Variants in PHKA1 observed in about 807,000 individuals in gnomAD.
PHKA1 encodes the protein phosphorylase kinase regulatory subunit alpha 1.
PHKA1 carries 60 observed loss-of-function variants against 110.2 expected under a neutral mutation model. The ratio of observed to expected loss-of-function variants is 0.54; its 90% confidence interval spans 0.44 to 0.68. The LOEUF is 0.68. Among genes scored for constraint, PHKA1 ranks in the 30% least tolerant of loss-of-function variants. The pLI is 0.00. For synonymous variants in PHKA1, 316 were observed against 333.6 expected, an observed-to-expected ratio of 0.95 and a Z score of 0.58; for missense variants, 801 against 942.5, an observed-to-expected ratio of 0.85 and a Z score of 1.97.
At chrX:72,659,732 C>T (rs1383684170) in intron 8 of PHKA1, among the ~76,000 whole-genome samples, 8 of 112,174 alleles carry the variant, frequency 7.1e-5, no homozygotes, top group Non-Finnish European at 1.5e-4. Flanking sequence ...CAACCAGTAC[C>T]CCTTTGAGAA....
intron 29 of PHKA1, among the ~76,000 whole-genome samples, chrX:72,589,574 A>C (rs1191261039): frequency 5.4e-5 from 6 of 111,432 alleles, no homozygotes; most frequent in Non-Finnish European, 9.4e-5. Context: ...GAAGTTCTGG[A>C]CAGGGCAATC....
At position 72,598,527 on chromosome X, in the gene PHKA1, A is replaced by T. The variant is rs144931917; in HGVS notation, c.3072+3464T>A. Among the ~76,000 whole-genome samples the T allele has an allele frequency of 3.2e-3, 359 of 111,861 alleles. 1 individual carries two copies. Among genetic ancestry groups the T allele is most frequent in the African/African-American group, 0.011 (346 of 30,813 alleles). On this transcript the variant is annotated intron_variant, in intron 28 of 31. Coordinates refer to ENST00000373542, the MANE Select transcript of PHKA1 (RefSeq NM_002637.4). ...ATATATCCAAGAGAAGTGAAAACATATGTCCATACAAAAACTTGTGCATGA... is the reference window on the plus strand; with the variant it reads ...ATATATCCAAGAGAAGTGAAAACATTTGTCCATACAAAAACTTGTGCATGA...
At chrX:72,667,981 T>C (rs1161143816) in intron 6 of PHKA1, among the ~76,000 whole-genome samples, 1 of 111,578 alleles carries the variant, frequency 9.0e-6, no homozygotes, top group Non-Finnish European at 1.9e-5. Context: ...ACAGTTGAGA[T>C]CACATCTGGT....
In PHKA1 at chrX:72,653,490, T is replaced by G; in HGVS notation, c.1082A>C (p.Lys361Thr). Residue 361 changes from lysine to threonine, a missense_variant, in exon 11 of 32, where the codon AAG (lysine) becomes ACG (threonine). Physicochemically the swap from Lys to Thr is moderately conservative, Grantham distance 78. Transcript: ENST00000373542. ...YKEALEAVLI[K>T]GKNGVPLLPE... Reference sequence around the variant, plus strand: ...CAGAAGTGGGACTCCATTTTTGCCCTTGATGAGGACTGCTTCAAGAGCCTC... The same window carrying G: ...CAGAAGTGGGACTCCATTTTTGCCCGTGATGAGGACTGCTTCAAGAGCCTC... 8.3e-7 allele frequency: 1 copy of G among 1,205,870 alleles called. No homozygotes were observed. The highest frequency in any genetic ancestry group is 1.8e-5 in the South Asian group (1 of 56,599).
intron 13 of PHKA1, among the ~76,000 whole-genome samples, chrX:72,649,875 C>T (rs1274227028): frequency 9.1e-6 from 1 of 109,521 alleles, no homozygotes; most frequent in East Asian, 2.9e-4. Flanking sequence ...GACTGTGATC[C>T]CAGATACTCA....
chrX:72,689,682 A>G lies in PHKA1; in HGVS notation c.455-5102T>C, dbSNP rs782596338. ...ATGCTGCTATAAACATTAATGTATA[A>G]GCTTTTGAGTGAACATATGTTTTCA... On this transcript the variant is annotated intron_variant, in intron 4 of 31. Transcript: ENST00000373542. Among the ~76,000 whole-genome samples, 8 of 112,321 alleles carry G rather than the reference A, an allele frequency of 7.1e-5. No homozygotes were observed. The South Asian group carries it at 3.0e-3, about 42-fold the overall frequency.
chrX:72,591,629 T>C (rs2052523648), intron 29 of PHKA1, among the ~76,000 whole-genome samples: 1 of 111,913 alleles, frequency 8.9e-6, no homozygotes, highest in Non-Finnish European at 1.9e-5. Context: ...TTGTCATTCC[T>C]AGCACACCAA....
At chrX:72,603,768 A>G (rs1187211135) in intron 25 of PHKA1, among the ~76,000 whole-genome samples, 3 of 111,419 alleles carry the variant, frequency 2.7e-5, no homozygotes, top group Non-Finnish European at 5.7e-5. Context: ...TGACGACATG[A>G]TACCTAATCT....
At chrX:72,619,444 T>C (rs1324443456) in intron 19 of PHKA1, 139 bp from the exon 20 acceptor site, 1 of 451,014 alleles carries the variant, frequency 2.2e-6, no homozygotes, top group Non-Finnish European at 4.0e-6. Flanking sequence ...TTCTTGGTAA[T>C]ATCAAAGAAA....
In PHKA1 at chrX:72,702,573, T is replaced by C. The variant is rs782461216; in HGVS notation, c.285+2625A>G. On this transcript the variant is annotated intron_variant, in intron 3 of 31. Transcript: ENST00000373542. ...GGATTGTTCTTTTGTTTGTTATTGTTTTTTCTCCCTTACCTCCCCCCATTT... is the reference window on the plus strand; with the variant it reads ...GGATTGTTCTTTTGTTTGTTATTGTCTTTTCTCCCTTACCTCCCCCCATTT... Among the ~76,000 whole-genome samples the C allele has an allele frequency of 3.6e-5, 4 of 111,592 alleles. No individual in the cohort carries two copies. The East Asian group carries it at 1.1e-3, about 31-fold the overall frequency.
In PHKA1 at chrX:72,605,589, C is replaced by T. The variant is rs782094125; in HGVS notation, c.2637G>A (p.Leu879=). ...APLPYEALTQ[L]IDEASEGDMS... is the part of the protein sequence containing the mutation. ...TATCCCCTTCACTGGCTTCATCTAT[C>T]AGCTGAGTGAGCGCCTCATAGGGCA... The change falls in exon 24 of 32, where the codon CTG becomes CTA. Residue 879 remains leucine (L), a synonymous_variant. Transcript: ENST00000373542. 1 of 1,208,169 alleles carries T rather than the reference C, an allele frequency of 8.3e-7. No homozygotes were observed. Among genetic ancestry groups the T allele is most frequent in the East Asian group, 3.0e-5 (1 of 33,826 alleles).
Position 72,602,038 on chromosome X carries a change from TA to T in PHKA1, c.3034-10del. 4 of 1,188,800 alleles carry T rather than the reference TA, an allele frequency of 3.4e-6. No individual in the cohort carries two copies. ...AGTCTACGAAATTCCACCTGAAACA[TA>T]AATGGCTCAAATTAAACTCAGAATG... is the stretch of plus-strand genomic sequence containing the variant. On this transcript the variant is annotated splice_polypyrimidine_tract_variant and intron_variant, in intron 27 of 31. Transcript: ENST00000373542.
chrX:72,637,428 G>A (rs1179249197), intron 14 of PHKA1, among the ~76,000 whole-genome samples: 1 of 111,912 alleles, frequency 8.9e-6, no homozygotes, highest in Non-Finnish European at 1.9e-5. Flanking sequence ...TATACATTTT[G>A]TGTATACATT....
intron 29 of PHKA1, among the ~76,000 whole-genome samples, chrX:72,591,318 A>G (rs2052517675): frequency 9.0e-6 from 1 of 111,477 alleles, no homozygotes; most frequent in Non-Finnish European, 1.9e-5. Context: ...AAGGACAGAA[A>G]ACCAAACACC....
chrX:72,666,049 T>C, intron 8 of PHKA1, 102 bp downstream of exon 8: 1 of 813,335 alleles, frequency 1.2e-6, no homozygotes, highest in Non-Finnish European at 1.8e-6. Flanking sequence ...AACTTAAAGG[T>C]TTCTTGAAAT....
chrX:72,594,896 T>C (rs1380851938), intron 28 of PHKA1, among the ~76,000 whole-genome samples: 4 of 112,542 alleles, frequency 3.6e-5, no homozygotes, highest in Non-Finnish European at 7.5e-5. Flanking sequence ...TATTACTAGC[T>C]CTTCACAATC....
intron 4 of PHKA1, among the ~76,000 whole-genome samples, chrX:72,689,975 T>C (rs2054014662): frequency 8.9e-6 from 1 of 112,309 alleles, no homozygotes. Flanking sequence ...TGATGTTCAC[T>C]ATCCTTTCAT....
At chrX:72,674,453 T>C (rs1390486875) in intron 6 of PHKA1, among the ~76,000 whole-genome samples, 1 of 111,537 alleles carries the variant, frequency 9.0e-6, no homozygotes. Flanking sequence ...TTTGTCCACA[T>C]CCTCTCCAGC....
At chrX:72,636,474 A>G (rs1556291919) in intron 14 of PHKA1, 88 bp from the exon 15 acceptor site, 1 of 541,456 alleles carries the variant, frequency 1.8e-6, no homozygotes, top group Non-Finnish European at 3.3e-6. Context: ...ATACACACAC[A>G]TACACAATGT....
Sources: allele counts gnomAD v4.1 joint callset (sites outside exome capture counted in the v4.1 genomes callset), GRCh38; gene constraint gnomAD v4.1.1; transcripts MANE v1.5; gene names NCBI Gene and HGNC (gene_info 2026-07-23, HGNC 2026-07-21).